Variants in CDHR2 observed in about 807,000 individuals in gnomAD.
The protein encoded by CDHR2 is cadherin-related family member 2.
A neutral mutation model predicts 138.6 loss-of-function variants in CDHR2; 104 were observed. That is an observed-to-expected ratio of 0.75 (90% CI 0.64 to 0.88). The LOEUF is 0.88. Among genes scored for constraint, CDHR2 ranks in the 40% least tolerant of loss-of-function variants. The pLI is 0.00. For synonymous variants in CDHR2, 755 were observed against 742.8 expected, an observed-to-expected ratio of 1.02 and a Z score of -0.27; for missense variants, 1,624 against 1,727.6, an observed-to-expected ratio of 0.94 and a Z score of 1.06.
In CDHR2 at chr5:176,561,703, G is replaced by C. The variant is rs187550934; in HGVS notation, c.-15-3635G>C. Reference sequence around the variant, plus strand: ...CACCCAGGCTGGAGTACAGTGGCATGATCTCGACTCATTGCAACCTCCACC... The same window carrying C: ...CACCCAGGCTGGAGTACAGTGGCATCATCTCGACTCATTGCAACCTCCACC... On this transcript the variant is annotated intron_variant, in intron 1 of 31. Transcript: ENST00000261944. Among the ~76,000 whole-genome samples the C allele has an allele frequency of 5.5e-5, 8 of 146,766 alleles. No individual in the cohort carries two copies. The East Asian group carries it at 1.6e-3, about 29-fold the overall frequency.
At chr5:176,551,949 C>G (rs891478314) in intron 1 of CDHR2, among the ~76,000 whole-genome samples, 1 of 152,058 alleles carries the variant, frequency 6.6e-6, no homozygotes, top group East Asian at 1.9e-4. Context: ...CTCCTGACCC[C>G]GACCCCGTAA....
intron 16 of CDHR2, 42 bp from the exon 17 acceptor site, chr5:176,581,301 G>A: frequency 1.2e-6 from 2 of 1,605,104 alleles, no homozygotes; most frequent in Non-Finnish European, 1.7e-6. Context: ...TGGGGGCTGG[G>A]AATGCCGATG....
chr5:176,568,871 C>T, intron 4 of CDHR2, 54 bp downstream of exon 4: 1 of 1,611,094 alleles, frequency 6.2e-7, no homozygotes, highest in Non-Finnish European at 8.5e-7. Context: ...GCTGGGAGGG[C>T]CCTGGGAGCC....
At chr5:176,571,635 C>T (rs1758234163) in intron 6 of CDHR2, among the ~76,000 whole-genome samples, 3 of 152,114 alleles carry the variant, frequency 2.0e-5, no homozygotes, top group Admixed American at 2.0e-4. Flanking sequence ...CTCCTGGGTT[C>T]ACACCATTCT....
upstream of CDHR2, among the ~76,000 whole-genome samples, chr5:176,548,519 C>T (rs1215354950): frequency 5.3e-5 from 8 of 152,148 alleles, no homozygotes; most frequent in Admixed American, 3.3e-4. Flanking sequence ...GCAGGCGGAT[C>T]GCCTGAGGTT....
chr5:176,558,160 C>T (rs1476353671), intron 1 of CDHR2, among the ~76,000 whole-genome samples: 1 of 151,934 alleles, frequency 6.6e-6, no homozygotes, highest in Non-Finnish European at 1.5e-5. Context: ...CCTTCTAGTA[C>T]AGCTTTCCTT....
intron 16 of CDHR2, among the ~76,000 whole-genome samples, chr5:176,578,932 T>C (rs541502893): frequency 3.3e-5 from 5 of 152,094 alleles, no homozygotes; most frequent in Non-Finnish European, 4.4e-5. Context: ...AAGATAAAAA[T>C]ATGAAAGAAA....
chr5:176,554,844 G>T (rs1757786003), intron 1 of CDHR2, among the ~76,000 whole-genome samples: 1 of 152,076 alleles, frequency 6.6e-6, no homozygotes, highest in African/African-American at 2.4e-5. Flanking sequence ...AGTAGAGACG[G>T]GGTTTCACCA....
At chr5:176,572,784 G>A (rs73345146) in intron 6 of CDHR2, among the ~76,000 whole-genome samples, 8,840 of 152,306 alleles carry the variant, frequency 0.058, 833 homozygotes, top group African/African-American at 0.2. Flanking sequence ...AGCCATGTGA[G>A]AGGCTCTGAT....
chr5:176,575,930 T>C (rs1561874271), intron 11 of CDHR2, 22 bp from the exon 12 acceptor site: 3 of 1,602,348 alleles, frequency 1.9e-6, no homozygotes, highest in Non-Finnish European at 1.7e-6. Flanking sequence ...CTCTGCCCTC[T>C]GCCCTCTGCT....
intron 1 of CDHR2, among the ~76,000 whole-genome samples, chr5:176,558,706 G>A (rs1757897828): frequency 2.0e-5 from 3 of 151,912 alleles, no homozygotes; most frequent in African/African-American, 2.4e-5. Context: ...TTTTTTAATG[G>A]AGATAGGGTT....
At position 176,591,236 on chromosome 5, in the gene CDHR2, AGGCT is replaced by A; in HGVS notation, c.3568_3571del (p.Ala1190ProfsTer11). The A allele has an allele frequency of 1.2e-6, 2 of 1,613,858 alleles. No individual in the cohort carries two copies. The highest frequency in any genetic ancestry group is 1.7e-6 in the Non-Finnish European group (2 of 1,179,936). On this transcript the variant is annotated frameshift_variant, in exon 29 of 32. Coordinates refer to ENST00000261944, the MANE Select transcript of CDHR2 (RefSeq NM_017675.6). LOFTEE classifies it high-confidence loss of function. ...TACAACCGGAAGCTTCAAGCTATGAAGGCTGCCAAGGAGGCCAGGAAGACAGCAG... is the reference window on the plus strand; with the variant it reads ...TACAACCGGAAGCTTCAAGCTATGAAGCCAAGGAGGCCAGGAAGACAGCAG...
chr5:176,543,185 C>T lies in CDHR2; in HGVS notation c.-16+416C>T, dbSNP rs1757495971. 6.7e-6 allele frequency among the ~76,000 whole-genome samples: 1 copy of T among 149,384 alleles called. No homozygotes were observed. The highest frequency in any genetic ancestry group is 2.1e-4 in the South Asian group (1 of 4,834). On this transcript the variant is annotated intron_variant, in intron 1 of 31. Coordinates refer to the CDHR2 transcript ENST00000510636. The surrounding 1 kb of genome is among the most constrained non-coding windows in gnomAD (Gnocchi z 4.0). ...CCGCGTGCGTTCCTCCGCCGGCCCG[C>T]GGCCGCCCCCTACCGCCGCGTGCTC...
rs761280368 is a variant in CDHR2 at position 176,589,621 on chromosome 5, G to A, written c.3206+5G>A. 1.2e-6 allele frequency: 2 copies of A among 1,613,824 alleles called. No homozygotes were observed. Among genetic ancestry groups the A allele is most frequent in the South Asian group, 1.1e-5 (1 of 91,080 alleles). On this transcript the variant is annotated splice_donor_5th_base_variant and intron_variant, in intron 24 of 31. Coordinates refer to ENST00000261944, the MANE Select transcript of CDHR2 (RefSeq NM_017675.6). ...CAACAGACAGGCGATTAATGCGTAG[G>A]TCTGGGGAGCCCCGGAGGGAGGGGT...
Position 176,578,615 on chromosome 5 carries a change from G to A in CDHR2, c.1818+7G>A, listed in dbSNP as rs749798509. 6.2e-6 allele frequency: 10 copies of A among 1,608,006 alleles called. No individual in the cohort carries two copies. Among genetic ancestry groups the A allele is most frequent in the Non-Finnish European group, 8.5e-6 (10 of 1,179,966 alleles). On this transcript the variant is annotated splice_region_variant and intron_variant, in intron 16 of 31. Transcript: ENST00000261944. ...TGTCTCCGTGACCATCCAGGTGTGA[G>A]CCTGCCTGGACCTGGTGGGTAAGGC...
rs771061178 is a variant in CDHR2 at position 176,578,407 on chromosome 5, G to C, written c.1617G>C (p.Thr539=). ...FQVDPVSGTV[T]VRNGELLDRE... Reference sequence around the variant, plus strand: ...TGGATCCCGTCTCAGGGACGGTGACGGTGAGGAACGGTGAGCTGCTGGACC... The same window carrying C: ...TGGATCCCGTCTCAGGGACGGTGACCGTGAGGAACGGTGAGCTGCTGGACC... The change falls in exon 16 of 32, where the codon ACG becomes ACC. Residue 539 remains threonine, a synonymous_variant. Transcript: ENST00000261944. The C allele has an allele frequency of 8.1e-6, 13 of 1,614,020 alleles. No individual in the cohort carries two copies. The highest frequency in any genetic ancestry group is 1.6e-4 in the Middle Eastern group (1 of 6,062).
In CDHR2 at chr5:176,565,735, T is replaced by G. The variant is rs1446307105; in HGVS notation, c.116T>G (p.Leu39Arg). 1 of 1,613,626 alleles carries G rather than the reference T, an allele frequency of 6.2e-7. No homozygotes were observed. Among genetic ancestry groups the G allele is most frequent in the East Asian group, 2.2e-5 (1 of 44,860 alleles). The change falls in exon 3 of 32, where the codon CTG (leucine) becomes CGG (arginine). Residue 39 changes from leucine (L) to arginine (R), a missense_variant. Transcript: ENST00000261944. ...NMTSVILPED[L>R]PVGAQAFWLV... Reference sequence around the variant, plus strand: ...ACGTCAGTGATCCTGCCTGAGGACCTGCCTGTGGGTGAGTCCCGGTCCCTG... The same window carrying G: ...ACGTCAGTGATCCTGCCTGAGGACCGGCCTGTGGGTGAGTCCCGGTCCCTG...
chr5:176,575,620 G>A lies in CDHR2; in HGVS notation c.844+39G>A. On this transcript the variant is annotated intron_variant, in intron 10 of 31. Coordinates refer to ENST00000261944, the MANE Select transcript of CDHR2 (RefSeq NM_017675.6). ...GTCCCCAGGCCAGGGCTGGGCCGGG[G>A]CCAGGGTGGGGTCTCCGTCAGAGTC... 3.1e-6 allele frequency: 5 copies of A among 1,609,320 alleles called. 1 individual carries two copies. The highest frequency in any genetic ancestry group is 1.7e-4 in the Middle Eastern group (1 of 6,054).
In CDHR2 at chr5:176,584,913, C is replaced by T; in HGVS notation, c.2632C>T (p.Gln878Ter). ...GGCCAACGGCTCTGTGTACATCAAC[C>T]AGAGCAAAGCCATCGACTACGAGGC... ...VAANGSVYIN[Q>*]SKAIDYEACD... Residue 878 changes from glutamine (Q) to a stop codon, truncating the protein, a stop_gained, in exon 19 of 32, where the codon CAG becomes TAG. Coordinates refer to ENST00000261944, the MANE Select transcript of CDHR2 (RefSeq NM_017675.6). LOFTEE classifies it high-confidence loss of function. The T allele has an allele frequency of 6.2e-7, 1 of 1,611,262 alleles. No homozygotes were observed. Among genetic ancestry groups the T allele is most frequent in the Admixed American group, 1.7e-5 (1 of 59,484 alleles).
Sources: allele counts gnomAD v4.1 joint callset (sites outside exome capture counted in the v4.1 genomes callset), GRCh38; gene constraint gnomAD v4.1.1; non-coding constraint Gnocchi (gnomAD v3.1); transcripts MANE v1.5; gene names NCBI Gene and HGNC (gene_info 2026-07-23, HGNC 2026-07-21).